Variants in NRG1 observed in about 807,000 individuals in gnomAD.
NRG1 encodes neuregulin 1.
NRG1 carries 18 observed loss-of-function variants against 63.8 expected under a neutral mutation model. The ratio of observed to expected loss-of-function variants is 0.28; its 90% CI spans 0.19 to 0.42. The LOEUF is 0.42. NRG1 is among the 10% of genes least tolerant of loss of function. NRG1 has a pLI of 1.00. For missense variants in NRG1, 762 were observed against 814.7 expected, an observed-to-expected ratio of 0.94 and a Z score of 0.79; for synonymous variants, 302 against 301.3, an observed-to-expected ratio of 1.00 and a Z score of -0.02.
intron 1 of NRG1, among the ~76,000 whole-genome samples, chr8:32,382,944 G>T (rs1296071152): frequency 6.6e-6 from 1 of 151,946 alleles, no homozygotes; most frequent in East Asian, 1.9e-4. Context: ...AATGAATGCT[G>T]GGCACAGTGG....
intron 11 of NRG1, among the ~76,000 whole-genome samples, chr8:32,762,635 T>C (rs142571750): frequency 6.6e-6 from 1 of 152,344 alleles, no homozygotes; most frequent in East Asian, 1.9e-4. Flanking sequence ...TTTCCGTTCC[T>C]GTTAGCAAGA....
chr8:31,861,788 A>T (rs1463009243), intron 1 of NRG1, among the ~76,000 whole-genome samples: 1 of 152,208 alleles, frequency 6.6e-6, no homozygotes, highest in Non-Finnish European at 1.5e-5. Flanking sequence ...TGAACTATTG[A>T]AATACCATGA....
At chr8:32,372,841 G>A (rs765147458) in intron 1 of NRG1, among the ~76,000 whole-genome samples, 3 of 152,148 alleles carry the variant, frequency 2.0e-5, no homozygotes, top group African/African-American at 7.2e-5. Context: ...TACTGGGAAA[G>A]GTCAGGTGTC....
In NRG1 at chr8:32,559,245, T is replaced by TAAAAAAAAAAAAAAAAAAAAA. The variant is rs545838945; in HGVS notation, c.100+10437_100+10438insAAAAAAAAAAAAAAAAAAAAA. ...TAGTATGTCATCTCACTCTAAAATGTAAAAAAAAAAAAAAAAAATCACTAC... is the reference window on the plus strand; with the variant it reads ...TAGTATGTCATCTCACTCTAAAATGTAAAAAAAAAAAAAAAAAAAAAAAAAAAAAAAAAAAAAAATCACTAC... On this transcript the variant is annotated intron_variant, in intron 1 of 11. Transcript: ENST00000356819. Among the ~76,000 whole-genome samples, 205 of 96,718 alleles carry TAAAAAAAAAAAAAAAAAAAAA rather than the reference T, an allele frequency of 2.1e-3. 27 individuals are homozygous for TAAAAAAAAAAAAAAAAAAAAA. Among genetic ancestry groups the TAAAAAAAAAAAAAAAAAAAAA allele is most frequent in the Non-Finnish European group, 3.1e-3 (149 of 48,814 alleles). The allele number at this position is 96,718 out of a possible 152,430, so 63.5% of individuals were successfully genotyped here.
chr8:32,122,091 G>T (rs1833524096), intron 1 of NRG1, among the ~76,000 whole-genome samples: 1 of 151,948 alleles, frequency 6.6e-6, no homozygotes, highest in African/African-American at 2.4e-5. Context: ...ATTCTAAATA[G>T]GTGAGCTGTG....
At chr8:32,284,962 G>T (rs1397281376) in intron 1 of NRG1, among the ~76,000 whole-genome samples, 1 of 152,130 alleles carries the variant, frequency 6.6e-6, no homozygotes, top group Non-Finnish European at 1.5e-5. Context: ...TGGTTTTGGT[G>T]GTGGATAACA....
intron 1 of NRG1, among the ~76,000 whole-genome samples, chr8:31,901,506 G>A (rs780416791): frequency 1.1e-4 from 17 of 152,164 alleles, no homozygotes; most frequent in Non-Finnish European, 2.2e-4. Flanking sequence ...AAGGTATTGA[G>A]GGCTAACCAG....
chr8:32,255,476 T>C (rs1428561267), intron 1 of NRG1, among the ~76,000 whole-genome samples: 2 of 152,218 alleles, frequency 1.3e-5, no homozygotes, highest in African/African-American at 2.4e-5. Flanking sequence ...GATATGTAAT[T>C]CTGGGTTGAA....
chr8:32,243,476 A>G (rs534147271), intron 1 of NRG1, among the ~76,000 whole-genome samples: 61 of 151,156 alleles, frequency 4.0e-4, no homozygotes, highest in Non-Finnish European at 7.5e-4. Context: ...ATTAGGGCCC[A>G]CCCTATGGAA....
At chr8:32,345,970 T>C (rs1804838242) in intron 1 of NRG1, among the ~76,000 whole-genome samples, 2 of 151,708 alleles carry the variant, frequency 1.3e-5, no homozygotes, top group Middle Eastern at 3.4e-3. Flanking sequence ...ATGGCACCAC[T>C]GTACTCCAGT....
At chr8:32,179,686 A>G (rs1045450549) in intron 1 of NRG1, among the ~76,000 whole-genome samples, 15 of 152,178 alleles carry the variant, frequency 9.9e-5, no homozygotes, top group African/African-American at 3.6e-4. Flanking sequence ...TATCTTTAAT[A>G]TTCAGAAAGT....
intron 1 of NRG1, chr8:32,136,652 T>C (rs528359618): frequency 6.6e-6 from 1 of 152,310 alleles, no homozygotes; most frequent in Non-Finnish European, 1.5e-5. Flanking sequence ...TAACACATGA[T>C]CATATGTCTT....
intron 5 of NRG1, among the ~76,000 whole-genome samples, chr8:32,713,796 CAT>C: frequency 6.8e-6 from 1 of 146,936 alleles, no homozygotes; most frequent in East Asian, 2.0e-4. Flanking sequence ...GTAATTATAA[CAT>C]AAATATATAT....
At chr8:31,659,493 G>A (rs937781823) in intron 1 of NRG1, among the ~76,000 whole-genome samples, 2 of 152,036 alleles carry the variant, frequency 1.3e-5, no homozygotes, top group Non-Finnish European at 2.9e-5. Flanking sequence ...GGGGCGAGGG[G>A]GGATACCTCC....
rs1162893361 is a variant in NRG1, at chr8:32,762,059, A to AAAAACAAAC, written c.1259+1654_1259+1655insAAACAAACA. Among the ~76,000 whole-genome samples, 34 of 148,252 alleles carry AAAAACAAAC rather than the reference A, an allele frequency of 2.3e-4. 1 individual carries two copies. Among genetic ancestry groups the AAAAACAAAC allele is most frequent in the African/African-American group, 8.3e-4 (32 of 38,376 alleles). ...GCCTCAAAAAAAAAAAAAAAAAAAA[A>AAAAACAAAC]ACATTCTGGACTTGCAAGCCTGTTG... On this transcript the variant is annotated intron_variant, in intron 11 of 11. Transcript: ENST00000356819.
At chr8:32,366,022 T>G (rs779453773) in intron 1 of NRG1, among the ~76,000 whole-genome samples, 1 of 152,200 alleles carries the variant, frequency 6.6e-6, no homozygotes, top group Non-Finnish European at 1.5e-5. Context: ...ATTTTTAACA[T>G]TGGATGAGGT....
intron 1 of NRG1, 112 bp downstream of exon 1, chr8:32,548,938 C>T (rs1272507497): frequency 1.5e-6 from 2 of 1,335,788 alleles, no homozygotes; most frequent in Admixed American, 2.9e-5. Flanking sequence ...CCGTCCTCTT[C>T]GCCCTGCGCT....
intron 1 of NRG1, among the ~76,000 whole-genome samples, chr8:32,104,907 C>CTT (rs34226035): frequency 6.9e-6 from 1 of 145,870 alleles, no homozygotes; most frequent in African/African-American, 2.5e-5. Flanking sequence ...TCACAGTTAA[C>CTT]TTTTTTTTTT....
chr8:31,705,185 C>T (rs115391899), intron 1 of NRG1, among the ~76,000 whole-genome samples: 3,978 of 151,978 alleles, frequency 0.026, 191 homozygotes, highest in African/African-American at 0.091. Flanking sequence ...TACAGTCGTG[C>T]GCCACCACAC....
Sources: allele counts gnomAD v4.1 joint callset (sites outside exome capture counted in the v4.1 genomes callset), GRCh38; gene constraint gnomAD v4.1.1; transcripts MANE v1.5; gene names NCBI Gene and HGNC (gene_info 2026-07-23, HGNC 2026-07-21).